Variants in TBC1D2B observed in about 807,000 individuals in gnomAD.
TBC1D2B encodes TBC1 domain family member 2B.
A neutral mutation model predicts 100.8 loss-of-function variants in TBC1D2B; 64 were observed. The ratio of observed to expected loss-of-function variants is 0.64; its 90% CI spans 0.52 to 0.78. The LOEUF is 0.78. Among genes scored for constraint, TBC1D2B ranks in the 30% least tolerant of loss-of-function variants. The pLI is 0.00. For synonymous variants in TBC1D2B, 480 were observed against 479.7 expected, an observed-to-expected ratio of 1.00 and a Z score of -0.01; for missense variants, 1,052 against 1,218.4, an observed-to-expected ratio of 0.86 and a Z score of 2.03.
intron 9 of TBC1D2B, among the ~76,000 whole-genome samples, chr15:78,012,232 C>G (rs35464105): frequency 6.6e-6 from 1 of 152,224 alleles, no homozygotes; most frequent in Non-Finnish European, 1.5e-5. Flanking sequence ...GGGAGCAAAC[C>G]TCAGTCCTCC....
intron 4 of TBC1D2B, among the ~76,000 whole-genome samples, chr15:78,028,420 G>A (rs1463115927): frequency 4.6e-5 from 7 of 152,220 alleles, no homozygotes; most frequent in African/African-American, 1.7e-4. Flanking sequence ...GCAATGAGCC[G>A]AGATCGCGCC....
At chr15:78,057,722 A>G (rs1207545087) in intron 1 of TBC1D2B, among the ~76,000 whole-genome samples, 1 of 152,248 alleles carries the variant, frequency 6.6e-6, no homozygotes, top group African/African-American at 2.4e-5. Context: ...GCTGGGGGCC[A>G]GACTGTCTGA....
chr15:78,074,825 T>C (rs879714155), intron 1 of TBC1D2B, among the ~76,000 whole-genome samples: 1 of 152,252 alleles, frequency 6.6e-6, no homozygotes, highest in Non-Finnish European at 1.5e-5. Context: ...GTGAGAGTAA[T>C]CCACGTTGAC....
At position 78,024,471 on chromosome 15, in the gene TBC1D2B, C is replaced by T; in HGVS notation, c.1155G>A (p.Arg385=). ...TGTCCTTTGGGACCCCCTCACAGAGCCGGCTGCTTGTGAAATACTTGTCAT... is the reference window on the plus strand; with the variant it reads ...TGTCCTTTGGGACCCCCTCACAGAGTCGGCTGCTTGTGAAATACTTGTCAT... The part of the protein sequence containing the change: ...SQYDKYFTSS[R]LCEGVPKDTL... Residue 385 remains arginine (R), a synonymous_variant, in exon 6 of 13, where the codon CGG becomes CGA. Transcript: ENST00000300584. 6.2e-7 allele frequency: 1 copy of T among 1,614,038 alleles called. No individual in the cohort carries two copies. The highest frequency in any genetic ancestry group is 1.3e-5 in the African/African-American group (1 of 75,040).
rs553307489 is a variant in TBC1D2B at position 78,001,859 on chromosome 15, C to T, written c.2575-119G>A. On this transcript the variant is annotated intron_variant, in intron 11 of 12. Transcript: ENST00000300584. ...AGGGGGACATGGCTTGCACGGTCCC[C>T]GCCCTGGGGAAAGACTATTGACCTG... 7.5e-5 allele frequency: 89 copies of T among 1,187,922 alleles called. No individual in the cohort carries two copies. In the South Asian group the frequency reaches 7.5e-4, roughly 10 times the overall value. 73.6% of individuals were successfully genotyped at this position (1,187,922 alleles called of 1,614,324 possible).
intron 1 of TBC1D2B, among the ~76,000 whole-genome samples, chr15:78,064,216 A>G (rs1209505446): frequency 6.6e-6 from 1 of 152,174 alleles, no homozygotes; most frequent in Non-Finnish European, 1.5e-5. Flanking sequence ...AGGCCAGCCA[A>G]CATCCCTTAT....
At position 77,997,175 on chromosome 15, in the gene TBC1D2B, A is replaced by G. The variant is rs1241909895; in HGVS notation, c.*985T>C. On this transcript the variant is annotated 3_prime_UTR_variant, in exon 13 of 13. Coordinates refer to ENST00000300584, the MANE Select transcript of TBC1D2B (RefSeq NM_144572.2). ...ACACCAGGAGCACTGGCCATCCCCA[A>G]GGAGGCCATGGTTTTCAGCTGTCCA... The G allele has an allele frequency of 2.0e-5, 3 of 152,324 alleles. No individual in the cohort carries two copies. The highest frequency in any genetic ancestry group is 2.9e-5 in the Non-Finnish European group (2 of 68,100). 9.4% of individuals were successfully genotyped at this position (152,324 alleles called of 1,614,324 possible).
chr15:78,022,681 T>C (rs193258067), intron 6 of TBC1D2B, among the ~76,000 whole-genome samples: 24 of 152,134 alleles, frequency 1.6e-4, no homozygotes, highest in African/African-American at 5.3e-4. Flanking sequence ...TCTTGAGTAG[T>C]TGGGACCACA....
intron 4 of TBC1D2B, among the ~76,000 whole-genome samples, chr15:78,025,936 T>C (rs1671230431): frequency 6.6e-6 from 1 of 151,620 alleles, no homozygotes; most frequent in Non-Finnish European, 1.5e-5. Context: ...CCTTAAGAAC[T>C]ACAGGAGATT....
At position 78,025,304 on chromosome 15, in the gene TBC1D2B, C is replaced by A. The variant is rs781029234; in HGVS notation, c.1041G>T (p.Gln347His). ...TCTTTAACTGTTCCAGCTCTTCCTG[C>A]TGGCTCTGGACCTGCAGTTGCATTT... ...ASEMQLQVQS[Q>H]QEELEQLKKD... Residue 347 changes from glutamine to histidine, a missense_variant, in exon 5 of 13, where the codon CAG (glutamine) becomes CAT (histidine). This residue lies in a region of TBC1D2B where 627 missense variants were observed against 646.1 expected (regional missense o/e 0.97). Transcript: ENST00000300584. The A allele has an allele frequency of 3.1e-6, 5 of 1,613,784 alleles. No individual in the cohort carries two copies. Among genetic ancestry groups the A allele is most frequent in the Non-Finnish European group, 4.2e-6 (5 of 1,179,904 alleles).
chr15:78,047,366 C>T (rs754999861), intron 2 of TBC1D2B, among the ~76,000 whole-genome samples: 8 of 152,028 alleles, frequency 5.3e-5, no homozygotes, highest in African/African-American at 1.7e-4. Context: ...GAGCTTTCCC[C>T]GTAAAGGAGA....
intron 4 of TBC1D2B, among the ~76,000 whole-genome samples, chr15:78,028,282 C>T (rs1399682082): frequency 1.3e-5 from 2 of 152,130 alleles, no homozygotes; most frequent in African/African-American, 4.8e-5. Flanking sequence ...CAAGACCAGC[C>T]TGGCCAACAT....
At chr15:78,063,083 A>G (rs60039377) in intron 1 of TBC1D2B, among the ~76,000 whole-genome samples, 1 of 151,884 alleles carries the variant, frequency 6.6e-6, no homozygotes. Context: ...CAAAGTACTC[A>G]TTAGGTATCA....
intron 7 of TBC1D2B, chr15:78,016,992 C>T (rs2072393956): frequency 2.5e-6 from 1 of 399,752 alleles, no homozygotes. Context: ...AAATGCATCA[C>T]CTCTGGACAG....
At chr15:78,024,563 G>A (rs2072608518) in intron 5 of TBC1D2B, 24 bp from the exon 6 acceptor site, 1 of 1,585,928 alleles carries the variant, frequency 6.3e-7, no homozygotes, top group Non-Finnish European at 8.6e-7. Context: ...GGAGAATGGA[G>A]TGAAGGGTGA....
intron 1 of TBC1D2B, among the ~76,000 whole-genome samples, chr15:78,070,904 CCT>C (rs2141846126): frequency 6.6e-6 from 1 of 152,250 alleles, no homozygotes; most frequent in East Asian, 1.9e-4. Context: ...CTTGCTGCAA[CCT>C]CTGTTTCCTG....
chr15:78,062,002 T>C (rs891678728), intron 1 of TBC1D2B, among the ~76,000 whole-genome samples: 63 of 152,304 alleles, frequency 4.1e-4, no homozygotes, highest in African/African-American at 1.4e-3. Context: ...ATGAATGCCA[T>C]GTGCACCATG....
chr15:78,029,233 A>AT (rs1305226066), intron 4 of TBC1D2B, among the ~76,000 whole-genome samples: 1 of 151,430 alleles, frequency 6.6e-6, no homozygotes, highest in Non-Finnish European at 1.5e-5. Context: ...ATTTTTTTGT[A>AT]TTTTTAGTAG....
chr15:78,055,744 T>C (rs1454140971), intron 1 of TBC1D2B, among the ~76,000 whole-genome samples: 3 of 152,266 alleles, frequency 2.0e-5, no homozygotes, highest in African/African-American at 7.2e-5. Flanking sequence ...CTTCCAACTA[T>C]ACCAGCCAAG....
Sources: allele counts gnomAD v4.1 joint callset (sites outside exome capture counted in the v4.1 genomes callset), GRCh38; gene constraint gnomAD v4.1.1; regional missense constraint gnomAD v4.1.1; transcripts MANE v1.5; gene names NCBI Gene and HGNC (gene_info 2026-07-23, HGNC 2026-07-21).